MAF: variants seen among roughly 807,000 people sequenced by gnomAD.
MAF encodes the protein MAF bZIP transcription factor.
A neutral mutation model predicts 22.0 loss-of-function variants in MAF; 10 were observed. The ratio of observed to expected loss-of-function variants is 0.45; its 90% CI spans 0.28 to 0.77. MAF has a LOEUF of 0.77. Among genes scored for constraint, MAF ranks in the 30% least tolerant of loss-of-function variants. The pLI is 0.12. For missense variants in MAF, 544 were observed against 548.4 expected, an observed-to-expected ratio of 0.99 and a Z score of 0.08; for synonymous variants, 337 against 255.8, an observed-to-expected ratio of 1.32 and a Z score of -3.03.
chr16:79,245,115 T>C, the MAF span, among the ~76,000 whole-genome samples: 1 of 151,890 alleles, frequency 6.6e-6, no homozygotes, highest in Non-Finnish European at 1.5e-5. Flanking sequence ...CTAAGAACCC[T>C]AGAAGAAAAC....
the MAF span, among the ~76,000 whole-genome samples, chr16:79,263,450 T>G: frequency 6.6e-6 from 1 of 152,306 alleles, no homozygotes; most frequent in Admixed American, 6.5e-5. Flanking sequence ...CAAGAGTATT[T>G]GTAATTTGGG....
chr16:79,239,136 A>C, the MAF span, among the ~76,000 whole-genome samples: 2 of 152,070 alleles, frequency 1.3e-5, no homozygotes, highest in Admixed American at 1.3e-4. Context: ...AAAGTCAGTC[A>C]AACTAATTGT....
At chr16:79,356,720 C>T in the MAF span, among the ~76,000 whole-genome samples, 5 of 152,180 alleles carry the variant, frequency 3.3e-5, no homozygotes, top group Non-Finnish European at 7.3e-5. Flanking sequence ...TTTGCAGGGA[C>T]ATCTTCCTGA....
At chr16:79,569,944 C>T in the MAF span, among the ~76,000 whole-genome samples, 6 of 151,674 alleles carry the variant, frequency 4.0e-5, no homozygotes, top group Admixed American at 1.3e-4. Flanking sequence ...CAGCAAAGAC[C>T]AGGTGGTGGG....
At chr16:79,334,307 G>T in the MAF span, among the ~76,000 whole-genome samples, 1 of 152,130 alleles carries the variant, frequency 6.6e-6, no homozygotes, top group Admixed American at 6.5e-5. Flanking sequence ...CATGGTCAAA[G>T]CGTCCAGACC....
the MAF span, among the ~76,000 whole-genome samples, chr16:79,210,959 T>C: frequency 6.6e-6 from 1 of 152,184 alleles, no homozygotes; most frequent in Non-Finnish European, 1.5e-5. Context: ...ATATGACATT[T>C]AGAAAAAGGT....
At chr16:79,535,332 C>T in the MAF span, among the ~76,000 whole-genome samples, 1 of 151,610 alleles carries the variant, frequency 6.6e-6, no homozygotes, top group East Asian at 2.0e-4. Flanking sequence ...TTTTCCAGAG[C>T]AGGGGAAGAG....
At chr16:79,253,220 T>C in the MAF span, among the ~76,000 whole-genome samples, 1 of 152,166 alleles carries the variant, frequency 6.6e-6, no homozygotes, top group South Asian at 2.1e-4. Context: ...TTTGGCAGAA[T>C]GAACTGACCT....
the MAF span, among the ~76,000 whole-genome samples, chr16:79,464,389 T>C: frequency 2.6e-5 from 4 of 151,992 alleles, no homozygotes; most frequent in South Asian, 2.1e-4. Flanking sequence ...CGTGAAGACA[T>C]AGAGAATGTT....
chr16:79,304,225 T>A, the MAF span, among the ~76,000 whole-genome samples: 1 of 152,160 alleles, frequency 6.6e-6, no homozygotes, highest in African/African-American at 2.4e-5. Flanking sequence ...CAGAATGTCC[T>A]TGCAGAGACA....
chr16:79,400,199 T>C, the MAF span, among the ~76,000 whole-genome samples: 1 of 152,160 alleles, frequency 6.6e-6, no homozygotes, highest in Non-Finnish European at 1.5e-5. Flanking sequence ...CCACAAAGAA[T>C]GAATTGTCCC....
the MAF span, chr16:79,211,851 C>T: frequency 6.2e-7 from 1 of 1,608,906 alleles, no homozygotes. Flanking sequence ...TCCCCTCACG[C>T]AAGTGCCAGG....
the MAF span, among the ~76,000 whole-genome samples, chr16:79,538,054 T>C: frequency 6.6e-6 from 1 of 152,240 alleles, no homozygotes; most frequent in Non-Finnish European, 1.5e-5. Flanking sequence ...GTGTGAAATC[T>C]ATTCTACATA....
the MAF span, among the ~76,000 whole-genome samples, chr16:79,343,885 G>A: frequency 6.6e-6 from 1 of 152,134 alleles, no homozygotes; most frequent in Non-Finnish European, 1.5e-5. Flanking sequence ...CTCAGGGTGT[G>A]GCTCTGACAG....
chr16:79,434,896 G>A, the MAF span, among the ~76,000 whole-genome samples: 7 of 152,114 alleles, frequency 4.6e-5, no homozygotes, highest in African/African-American at 1.7e-4. Flanking sequence ...TCGAGGTACT[G>A]GATGCTTCAT....
chr16:79,570,872 G>A, the MAF span, among the ~76,000 whole-genome samples: 1 of 152,184 alleles, frequency 6.6e-6, no homozygotes, highest in Non-Finnish European at 1.5e-5. Context: ...GCTAAATGCT[G>A]AGCGTAAGGA....
the MAF span, among the ~76,000 whole-genome samples, chr16:79,548,704 G>T: frequency 3.9e-5 from 6 of 152,062 alleles, no homozygotes; most frequent in Non-Finnish European, 8.8e-5. Flanking sequence ...ACTTCCCCAG[G>T]GAGGCAGTGC....
chr16:79,304,246 C>T, the MAF span, among the ~76,000 whole-genome samples: 2 of 152,272 alleles, frequency 1.3e-5, no homozygotes, highest in African/African-American at 2.4e-5. Context: ...TCAATGTCAG[C>T]CCGGGAAGCA....
At chr16:79,577,394 T>C in the MAF span, among the ~76,000 whole-genome samples, 1 of 152,162 alleles carries the variant, frequency 6.6e-6, no homozygotes, top group African/African-American at 2.4e-5. Flanking sequence ...TGCATGACTG[T>C]GGTGAAGGGT....
Sources: gnomAD v4.1 joint callset for allele counts (sites outside exome capture counted in the v4.1 genomes callset) on GRCh38, gnomAD v4.1.1 for gene constraint, MANE v1.5 for transcripts, NCBI Gene and HGNC (gene_info 2026-07-23, HGNC 2026-07-21) for gene names.